GDAP2: variants seen among roughly 807,000 people sequenced by gnomAD.
The protein encoded by GDAP2 is ganglioside induced differentiation associated protein 2.
A neutral mutation model predicts 67.0 loss-of-function variants in GDAP2; 51 were observed. The ratio of observed to expected loss-of-function variants is 0.76; its 90% CI spans 0.61 to 0.96. GDAP2 has a LOEUF of 0.96. Among genes scored for constraint, GDAP2 ranks in the 40% least tolerant of loss-of-function variants. The pLI is 0.00. For missense variants in GDAP2, 547 were observed against 588.3 expected, an observed-to-expected ratio of 0.93 and a Z score of 0.73; for synonymous variants, 203 against 207.3, an observed-to-expected ratio of 0.98 and a Z score of 0.18.
At position 117,887,731 on chromosome 1, in the gene GDAP2, C is replaced by G. The variant is rs530842314; in HGVS notation, c.997G>C (p.Asp333His). Residue 333 changes from aspartate to histidine, a missense_variant, in exon 9 of 14, where the codon GAT (aspartate) becomes CAT (histidine). By Grantham distance (81) the Asp-to-His change is moderately conservative (BLOSUM62 -1). Coordinates refer to ENST00000369443, the MANE Select transcript of GDAP2 (RefSeq NM_017686.4). Reference sequence around the variant, plus strand: ...TATAAGGCTTTTAGAGAAGCAATATCAGACAGATCCTCAGATCTTGCTTGA... The same window carrying G: ...TATAAGGCTTTTAGAGAAGCAATATGAGACAGATCCTCAGATCTTGCTTGA... The part of the protein sequence containing the change: ...LCQARSEDLS[D>H]IASLKALYQT... 5.1e-6 allele frequency: 8 copies of G among 1,579,826 alleles called. No individual in the cohort carries two copies. The South Asian group carries it at 7.8e-5, about 15-fold the overall frequency.
Position 117,867,217 on chromosome 1 carries a change from G to C in GDAP2, c.*3352C>G, listed in dbSNP as rs1032788499. The C allele has an allele frequency of 6.6e-6, 1 of 152,020 alleles. No individual in the cohort carries two copies. Among genetic ancestry groups the C allele is most frequent in the Non-Finnish European group, 1.5e-5 (1 of 68,008 alleles). The allele number at this position is 152,020 out of a possible 1,614,324, so 9.4% of individuals were successfully genotyped here. A position where few individuals can be genotyped will look rare whatever the true frequency, so the allele number is the denominator to read the frequency against. ...ATATCCAAGCAAACAGAAAAGAAGA[G>C]GAAATAGGCAAGCCATGTTTTTCTA... On this transcript the variant is annotated 3_prime_UTR_variant, in exon 14 of 14. Transcript: ENST00000369443.
chr1:117,921,098 T>C (rs976520605), intron 1 of GDAP2, among the ~76,000 whole-genome samples: 3 of 152,190 alleles, frequency 2.0e-5, no homozygotes, highest in Non-Finnish European at 4.4e-5. Flanking sequence ...AATGGGAAAT[T>C]CTTTGTTGCT....
intron 7 of GDAP2, among the ~76,000 whole-genome samples, chr1:117,898,020 T>A (rs1263654454): frequency 6.6e-6 from 1 of 152,172 alleles, no homozygotes; most frequent in African/African-American, 2.4e-5. Flanking sequence ...AAGGCCTACA[T>A]CTATCACAAA....
At chr1:117,918,493 C>G (rs557023099) in intron 3 of GDAP2, 104 bp downstream of exon 3, 2 of 767,778 alleles carry the variant, frequency 2.6e-6, no homozygotes, top group East Asian at 2.6e-5. Flanking sequence ...AAAAGAAAAA[C>G]AGCTACATCT....
chr1:117,883,241 G>A (rs564343615), intron 11 of GDAP2: 10 of 375,534 alleles, frequency 2.7e-5, no homozygotes, highest in African/African-American at 2.1e-4. Context: ...ATAAATAGAA[G>A]GTAGTATTTT....
chr1:117,909,292 T>G (rs1649769602), intron 5 of GDAP2, among the ~76,000 whole-genome samples: 1 of 152,200 alleles, frequency 6.6e-6, no homozygotes, highest in Non-Finnish European at 1.5e-5. Context: ...GTCACTTAAA[T>G]TTTTGTTGGA....
intron 5 of GDAP2, among the ~76,000 whole-genome samples, chr1:117,907,641 TC>T (rs1467881275): frequency 1.3e-5 from 2 of 152,196 alleles, no homozygotes; most frequent in Non-Finnish European, 2.9e-5. Flanking sequence ...TTCAAATAGT[TC>T]CCATGACTTT....
intron 8 of GDAP2, among the ~76,000 whole-genome samples, chr1:117,891,131 T>C (rs958292406): frequency 1.3e-5 from 2 of 149,656 alleles, no homozygotes; most frequent in African/African-American, 4.9e-5. Context: ...TTAATCTGTA[T>C]ATATCATGTA....
rs1164593598 is a variant in GDAP2, at chr1:117,865,242, G to C, written c.*5327C>G. ...ATTAGAGAAAGACCTCATGTAAATG[G>C]TCAAAAAATAATGTCCCATCCTGGG... is the stretch of plus-strand genomic sequence containing the variant. On this transcript the variant is annotated 3_prime_UTR_variant, in exon 14 of 14. Transcript: ENST00000369443. 6.6e-6 allele frequency: 1 copy of C among 152,042 alleles called. No homozygotes were observed. The highest frequency in any genetic ancestry group is 2.4e-5 in the African/African-American group (1 of 41,392). The allele number at this position is 152,042 out of a possible 1,614,324, so 9.4% of individuals were successfully genotyped here.
rs1383779670 is a variant in GDAP2, at chr1:117,896,972, C to T, written c.814G>A (p.Asp272Asn). 6.2e-7 allele frequency: 1 copy of T among 1,605,860 alleles called. No homozygotes were observed. The highest frequency in any genetic ancestry group is 8.5e-7 in the Non-Finnish European group (1 of 1,175,622). ...GAGAGATCAACTCCCAAGCCTTCAT[C>T]CTCCTCTTCTTGGTTATCTGTAACA... ...GAPEDNQEEE[D>N]EGLGVDLSFI... is the part of the protein sequence containing the mutation. Residue 272 changes from aspartate (D) to asparagine (N), a missense_variant, in exon 8 of 14, where the codon GAT becomes AAT. Asp to Asn is a conservative substitution (Grantham distance 23). Coordinates refer to ENST00000369443, the MANE Select transcript of GDAP2 (RefSeq NM_017686.4).
rs143781671 is a variant in GDAP2 at position 117,883,330 on chromosome 1, C to T, written c.1247+158G>A. 3.4e-4 allele frequency: 184 copies of T among 542,184 alleles called. No individual in the cohort carries two copies. In the East Asian group the frequency reaches 3.6e-3, roughly 11 times the overall value. 33.6% of individuals were successfully genotyped at this position (542,184 alleles called of 1,614,324 possible). A position where few individuals can be genotyped will look rare whatever the true frequency, so the allele number is the denominator to read the frequency against. ...TTTAATGCAAAATAAGTTTCAGTTACGGAGGGTCTCCTATGATTGAAGTAT... is the reference window on the plus strand; with the variant it reads ...TTTAATGCAAAATAAGTTTCAGTTATGGAGGGTCTCCTATGATTGAAGTAT... On this transcript the variant is annotated intron_variant, in intron 11 of 13. Coordinates refer to ENST00000369443, the MANE Select transcript of GDAP2 (RefSeq NM_017686.4).
rs539414472 is a variant in GDAP2 at position 117,874,819 on chromosome 1, T to A, written c.1446+3190A>T. The stretch of plus-strand genomic sequence containing the variant: ...CAGATGGAAGTGGGGAACTTAGGAA[T>A]TAGAGCAAAGGTCATCCTTGTTACA... On this transcript the variant is annotated intron_variant, in intron 13 of 13. Coordinates refer to ENST00000369443, the MANE Select transcript of GDAP2 (RefSeq NM_017686.4). 8.5e-5 allele frequency among the ~76,000 whole-genome samples: 13 copies of A among 152,262 alleles called. No individual in the cohort carries two copies. The South Asian group carries it at 2.5e-3, about 29-fold the overall frequency.
rs1357121419 is a variant in GDAP2, at chr1:117,865,422, G to C, written c.*5147C>G. The C allele has an allele frequency of 1.3e-5, 2 of 152,148 alleles. No individual in the cohort carries two copies. Among genetic ancestry groups the C allele is most frequent in the Non-Finnish European group, 2.9e-5 (2 of 68,022 alleles). The allele number at this position is 152,148 out of a possible 1,614,324, so 9.4% of individuals were successfully genotyped here. A position where few individuals can be genotyped will look rare whatever the true frequency, so the allele number is the denominator to read the frequency against. On this transcript the variant is annotated 3_prime_UTR_variant, in exon 14 of 14. Coordinates refer to ENST00000369443, the MANE Select transcript of GDAP2 (RefSeq NM_017686.4). ...TTCATAAAAGCTTTCTGAATTTTCA[G>C]TAAGCAAATTGTAAGATCTGTCAAT...
At chr1:117,925,278 C>A (rs1048835021) in intron 1 of GDAP2, among the ~76,000 whole-genome samples, 18 of 151,974 alleles carry the variant, frequency 1.2e-4, no homozygotes, top group Admixed American at 7.9e-4. Flanking sequence ...CATAGTGAGA[C>A]CCCATTTCTA....
At chr1:117,928,556 C>A (rs533272835) in intron 1 of GDAP2, among the ~76,000 whole-genome samples, 1 of 152,312 alleles carries the variant, frequency 6.6e-6, no homozygotes, top group South Asian at 2.1e-4. Context: ...CAATACACAG[C>A]AATCTTGTTT....
At chr1:117,912,719 G>A in intron 3 of GDAP2, 36 bp from the exon 4 acceptor site, 1 of 1,570,386 alleles carries the variant, frequency 6.4e-7, no homozygotes, top group Non-Finnish European at 8.7e-7. Flanking sequence ...GTTTGGATGT[G>A]TTAGGAAAAC....
intron 11 of GDAP2, chr1:117,883,068 C>T (rs966041655): frequency 6.6e-6 from 1 of 152,614 alleles, no homozygotes; most frequent in African/African-American, 2.4e-5. Flanking sequence ...AGTCCAAATT[C>T]TGCATTTACT....
chr1:117,878,487 C>T (rs12058607), intron 12 of GDAP2, among the ~76,000 whole-genome samples: 20,135 of 152,120 alleles, frequency 0.13, 2,899 homozygotes, highest in East Asian at 0.36. Context: ...GTCAAAACCG[C>T]TGCATTATTT....
At chr1:117,903,141 A>G (rs779239866) in intron 6 of GDAP2, among the ~76,000 whole-genome samples, 25 of 151,862 alleles carry the variant, frequency 1.6e-4, no homozygotes, top group Non-Finnish European at 3.4e-4. Context: ...CTGGAACTCT[A>G]TTAGTTCTAA....
Sources: gnomAD v4.1 joint callset for allele counts (sites outside exome capture counted in the v4.1 genomes callset) on GRCh38, gnomAD v4.1.1 for gene constraint, MANE v1.5 for transcripts, NCBI Gene and HGNC (gene_info 2026-07-23, HGNC 2026-07-21) for gene names.